The following TRIM16 variants were observed in gnomAD, a reference collection of about 807,000 sequenced individuals.
TRIM16 encodes tripartite motif-containing protein 16.
TRIM16 carries 33 observed loss-of-function variants against 50.4 expected under a neutral mutation model. That is an observed-to-expected ratio of 0.65 (90% CI 0.50 to 0.88). The LOEUF is 0.88. TRIM16 is among the 40% of genes least tolerant of loss of function. TRIM16 has a pLI of 0.00. For missense variants in TRIM16, 581 were observed against 686.8 expected (o/e 0.85, Z 1.72); for synonymous variants, 229 against 270.7 (o/e 0.85, Z 1.51).
chr17:15,645,633 T>C (rs1428596492), intron 7 of TRIM16, among the ~76,000 whole-genome samples: 4 of 151,600 alleles, frequency 2.6e-5, no homozygotes, highest in Non-Finnish European at 5.9e-5. Context: ...AAGCTGCGAG[T>C]CATTATGCCC....
At chr17:15,671,722 G>A (rs564563448) in intron 6 of TRIM16, among the ~76,000 whole-genome samples, 1 of 152,244 alleles carries the variant, frequency 6.6e-6, no homozygotes, top group East Asian at 1.9e-4. Context: ...CATGATCCCT[G>A]ATGATGTTAA....
intron 4 of TRIM16, among the ~76,000 whole-genome samples, chr17:15,680,335 T>G (rs1454458684): frequency 7.0e-6 from 1 of 142,976 alleles, no homozygotes; most frequent in Non-Finnish European, 1.5e-5. Context: ...AGTAGGCCCT[T>G]AATAATAAGG....
At position 15,631,680 on chromosome 17, in the gene TRIM16, A is replaced by T; in HGVS notation, c.1050T>A (p.Val350=). ...TGGAAGTCCAATATTTGCGCTGAAC[A>T]ACGGCAGACACTTGAGTTCTGATGT... ...EYDIRTQVSA[V]VQRKYWTSKP... The change falls in exon 11 of 12, where the codon GTT becomes GTA. Residue 350 remains valine (V), a synonymous_variant. Coordinates refer to ENST00000649191, the MANE Select transcript of TRIM16 (RefSeq NM_001348119.1). 6.2e-7 allele frequency: 1 copy of T among 1,613,938 alleles called. No individual in the cohort carries two copies. Among genetic ancestry groups the T allele is most frequent in the Non-Finnish European group, 8.5e-7 (1 of 1,179,872 alleles).
intron 6 of TRIM16, among the ~76,000 whole-genome samples, chr17:15,666,531 G>A (rs1396263740): frequency 6.6e-6 from 1 of 152,184 alleles, no homozygotes; most frequent in Non-Finnish European, 1.5e-5. Flanking sequence ...AATATTGGCA[G>A]CACCCAGGAA....
intron 8 of TRIM16, among the ~76,000 whole-genome samples, chr17:15,640,217 T>C (rs571528946): frequency 7.4e-5 from 11 of 148,444 alleles, no homozygotes; most frequent in Non-Finnish European, 1.5e-4. Context: ...GCCTGCAGTA[T>C]AGCACTGAGC....
intron 6 of TRIM16, chr17:15,675,617 C>A (rs1439161377): frequency 1.1e-5 from 2 of 176,162 alleles, no homozygotes; most frequent in African/African-American, 4.8e-5. Context: ...TACCCAGCAT[C>A]AGAGGGTTCA....
intron 6 of TRIM16, chr17:15,658,751 T>C: frequency 1.0e-6 from 1 of 956,032 alleles, no homozygotes. Flanking sequence ...ACCACTGAGC[T>C]GGAAGTCGCA....
intron 1 of TRIM16, chr17:15,683,366 C>G: frequency 2.2e-6 from 1 of 458,324 alleles, no homozygotes; most frequent in South Asian, 2.3e-5. Context: ...CCTGCAGAGT[C>G]AGACACTGGG....
In TRIM16 at chr17:15,659,870, C is replaced by A. The variant is rs563803496; in HGVS notation, c.-337-7924G>T. On this transcript the variant is annotated intron_variant, in intron 6 of 11. Transcript: ENST00000649191. ...TGGGATACCACACATTCCAGGGAGC[C>A]GCACTCACCTTCAAAAAGGGCAGAC... 7.2e-4 allele frequency among the ~76,000 whole-genome samples: 110 copies of A among 152,286 alleles called. No individual in the cohort carries two copies. In the South Asian group the frequency reaches 8.5e-3, roughly 12 times the overall value.
intron 6 of TRIM16, among the ~76,000 whole-genome samples, chr17:15,659,331 C>T (rs531573057): frequency 2.6e-5 from 4 of 152,222 alleles, no homozygotes; most frequent in East Asian, 3.9e-4. Context: ...GCACGGGCAC[C>T]GCTTTGATCA....
At chr17:15,636,573 A>G (rs1986754532) in intron 8 of TRIM16, among the ~76,000 whole-genome samples, 1 of 147,964 alleles carries the variant, frequency 6.8e-6, no homozygotes, top group Non-Finnish European at 1.5e-5. Flanking sequence ...TTCCTACCAG[A>G]GCAATGTGTG....
At chr17:15,676,931 AT>A (rs1196999915) in intron 6 of TRIM16, among the ~76,000 whole-genome samples, 19 of 152,366 alleles carry the variant, frequency 1.2e-4, no homozygotes, top group Admixed American at 3.9e-4. Flanking sequence ...GAATAGCCTC[AT>A]AAAATGCCTC....
At chr17:15,681,955 T>C (rs1463921266) in intron 3 of TRIM16, among the ~76,000 whole-genome samples, 1 of 152,226 alleles carries the variant, frequency 6.6e-6, no homozygotes, top group Non-Finnish European at 1.5e-5. Flanking sequence ...CCTTTGTCAT[T>C]GGAACTCTGG....
At chr17:15,659,210 T>C (rs1950012832) in intron 6 of TRIM16, among the ~76,000 whole-genome samples, 1 of 152,156 alleles carries the variant, frequency 6.6e-6, no homozygotes, top group Non-Finnish European at 1.5e-5. Context: ...GCGACGGACA[T>C]CTGCCAGCTA....
intron 6 of TRIM16, among the ~76,000 whole-genome samples, chr17:15,669,620 A>C (rs1404850797): frequency 6.6e-6 from 1 of 152,104 alleles, no homozygotes; most frequent in Non-Finnish European, 1.5e-5. Context: ...TCACTTTTGT[A>C]ATGTAAAAAA....
At chr17:15,655,362 TTCCC>T (rs1325125346) in intron 6 of TRIM16, among the ~76,000 whole-genome samples, 1 of 152,162 alleles carries the variant, frequency 6.6e-6, no homozygotes, top group Non-Finnish European at 1.5e-5. Flanking sequence ...TCCTCATTCC[TTCCC>T]TCCCTATCTC....
chr17:15,635,573 T>G (rs1986694146), intron 9 of TRIM16, among the ~76,000 whole-genome samples: 1 of 127,424 alleles, frequency 7.8e-6, no homozygotes, highest in South Asian at 2.9e-4. Flanking sequence ...CTCCATGCAG[T>G]GGACTGCTGG....
In TRIM16 at chr17:15,634,284, G is replaced by A. The variant is rs561584748; in HGVS notation, c.850-1610C>T. Reference sequence around the variant, plus strand: ...GTGGAGCTTTCAGTGAGCCAAGATCGTGCCATTGCACTCTGGCCTGGGCGA... The same window carrying A: ...GTGGAGCTTTCAGTGAGCCAAGATCATGCCATTGCACTCTGGCCTGGGCGA... On this transcript the variant is annotated intron_variant, in intron 9 of 11. Coordinates refer to ENST00000649191, the MANE Select transcript of TRIM16 (RefSeq NM_001348119.1). Among the ~76,000 whole-genome samples the A allele has an allele frequency of 3.4e-5, 5 of 146,682 alleles. 1 individual carries two copies. Among genetic ancestry groups the A allele is most frequent in the Admixed American group, 1.3e-4 (2 of 14,862 alleles).
chr17:15,659,746 G>A (rs541368520), intron 6 of TRIM16, among the ~76,000 whole-genome samples: 27 of 152,326 alleles, frequency 1.8e-4, no homozygotes, highest in African/African-American at 6.5e-4. Context: ...CTCCCCTGAG[G>A]CCCTGAGCCA....
Sources: allele counts gnomAD v4.1 joint callset (sites outside exome capture counted in the v4.1 genomes callset), GRCh38; gene constraint gnomAD v4.1.1; transcripts MANE v1.5; gene names NCBI Gene and HGNC (gene_info 2026-07-23, HGNC 2026-07-21).